FCHSD2: variants seen among roughly 807,000 people sequenced by gnomAD.
The protein encoded by FCHSD2 is FCH and double SH3 domains 2, also known as F-BAR and double SH3 domains protein 2.
Under a neutral mutation model 108.1 loss-of-function variants are expected in FCHSD2, and 38 were observed. The observed-to-expected ratio is 0.35, with a 90% CI of 0.27 to 0.46. The LOEUF is 0.46. Among genes scored for constraint, FCHSD2 ranks in the 20% least tolerant of loss-of-function variants. The pLI is 1.00. For synonymous variants in FCHSD2, 279 were observed against 314.7 expected (o/e 0.89, Z 1.20); for missense variants, 751 against 897.8 (o/e 0.84, Z 2.09).
intron 2 of FCHSD2, among the ~76,000 whole-genome samples, chr11:73,104,028 A>C (rs1265645504): frequency 6.6e-6 from 1 of 152,248 alleles, no homozygotes; most frequent in Non-Finnish European, 1.5e-5. Flanking sequence ...TCTGTTATTA[A>C]ACCCTTTAAA....
chr11:73,119,855 T>C (rs1318503848), intron 2 of FCHSD2, among the ~76,000 whole-genome samples: 1 of 152,180 alleles, frequency 6.6e-6, no homozygotes, highest in Non-Finnish European at 1.5e-5. Flanking sequence ...AGGATGTAAA[T>C]AAGAACACTG....
At chr11:73,129,055 T>C (rs1200868623) in intron 2 of FCHSD2, among the ~76,000 whole-genome samples, 1 of 151,724 alleles carries the variant, frequency 6.6e-6, no homozygotes, top group African/African-American at 2.4e-5. Context: ...GTATTTTTAG[T>C]AGAGACGAGA....
chr11:72,919,187 G>C (rs1189799803), intron 9 of FCHSD2, among the ~76,000 whole-genome samples: 1 of 152,150 alleles, frequency 6.6e-6, no homozygotes, highest in East Asian at 1.9e-4. Flanking sequence ...AGCAAGAGCA[G>C]CATAACAAGC....
At chr11:73,038,210 T>C (rs1858546134) in intron 3 of FCHSD2, among the ~76,000 whole-genome samples, 1 of 152,062 alleles carries the variant, frequency 6.6e-6, no homozygotes, top group South Asian at 2.1e-4. Flanking sequence ...GGCGTGGTAG[T>C]GCATGCCTCT....
In FCHSD2 at chr11:73,133,992, T is replaced by TA. The variant is rs548491010; in HGVS notation, c.119+6038dup. On this transcript the variant is annotated intron_variant, in intron 2 of 19. Transcript: ENST00000409418. ...TTGGCGTGACGATTGTACAATCCTA[T>TA]AAAAAAAAAGTTGAATGGTACACTT... is the stretch of plus-strand genomic sequence containing the variant. 5.0e-3 allele frequency among the ~76,000 whole-genome samples: 741 copies of TA among 149,362 alleles called. 2 individuals are homozygous for TA. Among genetic ancestry groups the TA allele is most frequent in the East Asian group, 0.022 (114 of 5,116 alleles).
intron 1 of FCHSD2, 118 bp downstream of exon 1, chr11:73,141,728 TCGGTGACAAGC>T: frequency 1.0e-6 from 1 of 1,000,328 alleles, no homozygotes; most frequent in Non-Finnish European, 1.4e-6. Flanking sequence ...CGGCGGCAAG[TCGGTGACAAGC>T]CCAAGACGAG....
At chr11:72,866,142 C>A (rs553814604) in intron 13 of FCHSD2, among the ~76,000 whole-genome samples, 7 of 152,076 alleles carry the variant, frequency 4.6e-5, no homozygotes, top group Non-Finnish European at 8.8e-5. Flanking sequence ...TCAAGTGGGC[C>A]TGGAATTTGC....
rs371632308 is a variant in FCHSD2, at chr11:73,114,846, A to AGG, written c.119+25183_119+25184dup. Among the ~76,000 whole-genome samples the AGG allele has an allele frequency of 3.6e-3, 547 of 152,048 alleles. 2 individuals carry two copies. Among genetic ancestry groups the AGG allele is most frequent in the African/African-American group, 0.013 (519 of 41,468 alleles). Reference sequence around the variant, plus strand: ...ACCTCTCCTCTTCTCAAGCGGAAGGAGGGGGTCTTTTTTGAAGCTACAAGC... The same window carrying AGG: ...ACCTCTCCTCTTCTCAAGCGGAAGGAGGGGGGGTCTTTTTTGAAGCTACAAGC... On this transcript the variant is annotated intron_variant, in intron 2 of 19. Transcript: ENST00000409418.
At chr11:72,877,847 A>T (rs1295691851) in intron 12 of FCHSD2, among the ~76,000 whole-genome samples, 1 of 152,110 alleles carries the variant, frequency 6.6e-6, no homozygotes, top group Non-Finnish European at 1.5e-5. Flanking sequence ...CTCTACAAAA[A>T]ATGCAAAAAT....
intron 3 of FCHSD2, among the ~76,000 whole-genome samples, chr11:73,080,195 G>C (rs572401778): frequency 6.6e-5 from 10 of 151,040 alleles, no homozygotes; most frequent in Admixed American, 6.6e-4. Context: ...CACTCAGTAG[G>C]CTGAGGCAGA....
At chr11:73,048,118 G>C (rs1212754395) in intron 3 of FCHSD2, among the ~76,000 whole-genome samples, 1 of 151,984 alleles carries the variant, frequency 6.6e-6, no homozygotes, top group South Asian at 2.1e-4. Context: ...GAAAGTAATA[G>C]AAAAACTTGA....
rs139661814 is a variant in FCHSD2, at chr11:72,854,462, C to T, written c.1309-4573G>A. Among the ~76,000 whole-genome samples, 32 of 152,342 alleles carry T rather than the reference C, an allele frequency of 2.1e-4. No homozygotes were observed. In the East Asian group the frequency reaches 4.2e-3, roughly 20 times the overall value. On this transcript the variant is annotated intron_variant, in intron 13 of 19. Coordinates refer to ENST00000409418, the MANE Select transcript of FCHSD2 (RefSeq NM_014824.3). ...GTCTATCTGGTTAGAGACAGGGTCT[C>T]GCTCTGCTGCCCAAGCTGGAGTGCA... is the stretch of plus-strand genomic sequence containing the variant.
chr11:72,950,756 T>C (rs933047800), intron 8 of FCHSD2, among the ~76,000 whole-genome samples: 2 of 152,230 alleles, frequency 1.3e-5, no homozygotes, highest in African/African-American at 4.8e-5. Context: ...ACATTATCAT[T>C]TGGCTTCTCA....
At chr11:72,950,555 G>T (rs1384175218) in intron 8 of FCHSD2, among the ~76,000 whole-genome samples, 1 of 152,096 alleles carries the variant, frequency 6.6e-6, no homozygotes, top group Non-Finnish European at 1.5e-5. Flanking sequence ...TGGATATTCA[G>T]TTGTGCCAGT....
At chr11:72,951,919 A>G (rs552776834) in intron 8 of FCHSD2, among the ~76,000 whole-genome samples, 52 of 152,350 alleles carry the variant, frequency 3.4e-4, no homozygotes, top group African/African-American at 1.0e-3. Flanking sequence ...CTATTTGACA[A>G]GAATACTGTA....
chr11:72,906,277 T>C (rs1855628861), intron 9 of FCHSD2, among the ~76,000 whole-genome samples: 1 of 152,186 alleles, frequency 6.6e-6, no homozygotes, highest in Non-Finnish European at 1.5e-5. Flanking sequence ...GATGGCGTTG[T>C]TTTTTTCTTG....
rs185819478 is a variant in FCHSD2, at chr11:73,016,434, G to C, written c.166-549C>G. Among the ~76,000 whole-genome samples the C allele has an allele frequency of 1.3e-5, 2 of 152,104 alleles. 1 individual carries two copies. The highest frequency in any genetic ancestry group is 4.8e-5 in the African/African-American group (2 of 41,496). On this transcript the variant is annotated intron_variant, in intron 3 of 19. Coordinates refer to ENST00000409418, the MANE Select transcript of FCHSD2 (RefSeq NM_014824.3). ...AGTCCTCTCTTGTCTCCATTTTTAG[G>C]AAAAGGGTGAGTATAAGGATAAGAA...
chr11:72,912,821 A>G (rs1156999693), intron 9 of FCHSD2, among the ~76,000 whole-genome samples: 3 of 152,136 alleles, frequency 2.0e-5, no homozygotes, highest in Non-Finnish European at 4.4e-5. Flanking sequence ...TCATCTCTTC[A>G]GGTTTTGAAT....
chr11:72,867,177 T>G (rs1428343322), intron 13 of FCHSD2, among the ~76,000 whole-genome samples: 1 of 152,164 alleles, frequency 6.6e-6, no homozygotes, highest in South Asian at 2.1e-4. Context: ...GAGGTGACAG[T>G]AGGAATTACA....
Sources: allele counts gnomAD v4.1 joint callset (sites outside exome capture counted in the v4.1 genomes callset), GRCh38; gene constraint gnomAD v4.1.1; transcripts MANE v1.5; gene names NCBI Gene and HGNC (gene_info 2026-07-23, HGNC 2026-07-21).